The following CTNNA3 variants were observed in gnomAD, a reference collection of about 807,000 sequenced individuals.
The protein encoded by CTNNA3 is catenin alpha 3, also known as catenin alpha-3.
In CTNNA3, 76 loss-of-function variants were observed where a neutral mutation model predicts 95.7. The ratio of observed to expected loss-of-function variants is 0.79; its 90% CI spans 0.66 to 0.96. CTNNA3 has a LOEUF of 0.96. Among genes scored for constraint, CTNNA3 ranks in the 40% least tolerant of loss-of-function variants. CTNNA3 has a pLI of 0.00. For synonymous variants in CTNNA3, 431 were observed against 374.4 expected, an observed-to-expected ratio of 1.15 and a Z score of -1.74; for missense variants, 1,191 against 1,089.8, an observed-to-expected ratio of 1.09 and a Z score of -1.31.
At chr10:67,060,104 C>T (rs1855675561) in intron 7 of CTNNA3, among the ~76,000 whole-genome samples, 1 of 151,912 alleles carries the variant, frequency 6.6e-6, no homozygotes, top group African/African-American at 2.4e-5. Flanking sequence ...TCACTTGAGC[C>T]TAGGATTTCG....
At chr10:67,268,283 T>C (rs1034278198) in intron 5 of CTNNA3, among the ~76,000 whole-genome samples, 1 of 150,774 alleles carries the variant, frequency 6.6e-6, no homozygotes, top group African/African-American at 2.4e-5. Flanking sequence ...CTAGGTAACA[T>C]AGAAAGACTC....
rs2076974755 is a variant in CTNNA3 at position 65,913,830 on chromosome 10, A to T, written c.*6500T>A. ...CTTAGTAGAAGCTCAACTCTCAGTGAATACCACAGAGAGGTTCAGGTAATT... is the reference window on the plus strand; with the variant it reads ...CTTAGTAGAAGCTCAACTCTCAGTGTATACCACAGAGAGGTTCAGGTAATT... On this transcript the variant is annotated 3_prime_UTR_variant, in exon 18 of 18. Coordinates refer to ENST00000433211, the MANE Select transcript of CTNNA3 (RefSeq NM_013266.4). 3 of 152,120 alleles carry T rather than the reference A, an allele frequency of 2.0e-5. No individual in the cohort carries two copies. 9.4% of individuals were successfully genotyped at this position (152,120 alleles called of 1,614,324 possible).
intron 15 of CTNNA3, among the ~76,000 whole-genome samples, chr10:66,030,173 C>T (rs1408208707): frequency 6.6e-6 from 1 of 152,104 alleles, no homozygotes; most frequent in Non-Finnish European, 1.5e-5. Context: ...CAACATTATT[C>T]CTATTGAACC....
intron 13 of CTNNA3, among the ~76,000 whole-genome samples, chr10:66,266,443 G>GA (rs2091161606): frequency 6.6e-6 from 1 of 151,920 alleles, no homozygotes; most frequent in South Asian, 2.1e-4. Context: ...ATTTGAAGGA[G>GA]AAAATTATTC....
chr10:66,721,791 T>TA (rs1358080009), intron 9 of CTNNA3, among the ~76,000 whole-genome samples: 2 of 152,230 alleles, frequency 1.3e-5, no homozygotes, highest in Non-Finnish European at 2.9e-5. Flanking sequence ...TGCTCTTACT[T>TA]ACTGAATTCC....
intron 12 of CTNNA3, among the ~76,000 whole-genome samples, chr10:66,304,225 G>A (rs1224509041): frequency 1.3e-5 from 2 of 152,050 alleles, no homozygotes; most frequent in Admixed American, 1.3e-4. Context: ...TTTACACATT[G>A]GCCAACAATT....
chr10:67,117,703 C>A (rs1234266638), intron 7 of CTNNA3, among the ~76,000 whole-genome samples: 3 of 151,758 alleles, frequency 2.0e-5, no homozygotes, highest in African/African-American at 7.3e-5. Flanking sequence ...TCACAAGATA[C>A]AAGGTAAAGT....
intron 7 of CTNNA3, among the ~76,000 whole-genome samples, chr10:66,938,994 G>A (rs190839194): frequency 1.3e-5 from 2 of 152,220 alleles, no homozygotes; most frequent in Non-Finnish European, 2.9e-5. Context: ...CTCAGCCCCA[G>A]TTCTGCAAGG....
chr10:66,715,823 G>A (rs71494000), intron 9 of CTNNA3, among the ~76,000 whole-genome samples: 2 of 151,666 alleles, frequency 1.3e-5, no homozygotes, highest in African/African-American at 4.8e-5. Flanking sequence ...TTCTTGACAG[G>A]GATGAGCCAA....
chr10:67,103,677 C>T (rs1858467745), intron 7 of CTNNA3, among the ~76,000 whole-genome samples: 1 of 151,418 alleles, frequency 6.6e-6, no homozygotes, highest in African/African-American at 2.4e-5. Flanking sequence ...GTGCTCCTAC[C>T]CCCATCATAG....
intron 6 of CTNNA3, among the ~76,000 whole-genome samples, chr10:67,182,583 C>A (rs1055060550): frequency 6.6e-6 from 1 of 151,994 alleles, no homozygotes; most frequent in African/African-American, 2.4e-5. Context: ...ACCATAAAAA[C>A]CCTAGAAGAA....
chr10:67,727,323 T>C lies in CTNNA3; in HGVS notation c.-2+36111A>G, dbSNP rs533466624. On this transcript the variant is annotated intron_variant, in intron 1 of 17. Coordinates refer to the CTNNA3 transcript ENST00000684154. ...TATATATTATATATGATATATTATATATTTATATATTATTGTATATTATAT... is the reference window on the plus strand; with the variant it reads ...TATATATTATATATGATATATTATACATTTATATATTATTGTATATTATAT... Among the ~76,000 whole-genome samples, 165 of 133,278 alleles carry C rather than the reference T, an allele frequency of 1.2e-3. 1 individual carries two copies. The highest frequency in any genetic ancestry group is 2.2e-3 in the Non-Finnish European group (141 of 64,496). The allele number at this position is 133,278 out of a possible 152,430, so 87.4% of individuals were successfully genotyped here.
At chr10:66,284,132 AT>A (rs965128449) in intron 12 of CTNNA3, among the ~76,000 whole-genome samples, 7 of 152,022 alleles carry the variant, frequency 4.6e-5, no homozygotes, top group African/African-American at 1.7e-4. Flanking sequence ...ACTTCAAAGT[AT>A]CTTGTCTATT....
At position 66,285,276 on chromosome 10, in the gene CTNNA3, T is replaced by C. The variant is rs369162712; in HGVS notation, c.1733-4655A>G. Among the ~76,000 whole-genome samples the C allele has an allele frequency of 5.0e-4, 76 of 151,994 alleles. No individual in the cohort carries two copies. The South Asian group carries it at 0.015, about 31-fold the overall frequency. On this transcript the variant is annotated intron_variant, in intron 12 of 17. Coordinates refer to ENST00000433211, the MANE Select transcript of CTNNA3 (RefSeq NM_013266.4). ...AGCTTCATGAAGCTGATACATTATG[T>C]TTTCCCCCTCTGGCAGAGTAGGTTT...
chr10:66,220,979 T>C (rs2131979206), intron 13 of CTNNA3, among the ~76,000 whole-genome samples: 1 of 152,320 alleles, frequency 6.6e-6, no homozygotes, highest in African/African-American at 2.4e-5. Context: ...GGGTCCAGGC[T>C]TGATGGTAGG....
chr10:67,066,900 A>G (rs183505345), intron 7 of CTNNA3, among the ~76,000 whole-genome samples: 9 of 152,336 alleles, frequency 5.9e-5, no homozygotes, highest in Admixed American at 5.9e-4. Context: ...GTAAATTAAT[A>G]TGGAAGTTTG....
chr10:66,268,426 G>T (rs1460218571), intron 13 of CTNNA3, among the ~76,000 whole-genome samples: 3 of 152,060 alleles, frequency 2.0e-5, no homozygotes, highest in Non-Finnish European at 4.4e-5. Flanking sequence ...ACTATCCAGT[G>T]GCTACCATGC....
At chr10:66,367,880 AATTATTATTATTATTATT>A (rs200238646) in intron 12 of CTNNA3, among the ~76,000 whole-genome samples, 932 of 47,112 alleles carry the variant, frequency 0.02, 10 homozygotes, top group African/African-American at 0.031. Flanking sequence ...TAATAATAAT[AATTATTATTATTATTATT>A]ATTATTATTA....
rs1288456985 is a variant in CTNNA3 at position 66,309,713 on chromosome 10, G to GGGTTAGAT, written c.1733-29100_1733-29093dup. 7.9e-4 allele frequency among the ~76,000 whole-genome samples: 78 copies of GGGTTAGAT among 98,806 alleles called. 1 individual carries two copies. The highest frequency in any genetic ancestry group is 2.6e-3 in the African/African-American group (74 of 28,924). The allele number at this position is 98,806 out of a possible 152,430, so 64.8% of individuals were successfully genotyped here. A position where few individuals can be genotyped will look rare whatever the true frequency, so the allele number is the denominator to read the frequency against. On this transcript the variant is annotated intron_variant, in intron 12 of 17. Coordinates refer to ENST00000433211, the MANE Select transcript of CTNNA3 (RefSeq NM_013266.4). Reference sequence around the variant, plus strand: ...AAAAAAAAAAAAAAAAAAAAAAAAAGGGTTAGATTCCAACCTTATATAGAT... The same window carrying GGGTTAGAT: ...AAAAAAAAAAAAAAAAAAAAAAAAAGGGTTAGATGGTTAGATTCCAACCTTATATAGAT...
Sources: allele counts gnomAD v4.1 joint callset (sites outside exome capture counted in the v4.1 genomes callset), GRCh38; gene constraint gnomAD v4.1.1; transcripts MANE v1.5; gene names NCBI Gene and HGNC (gene_info 2026-07-23, HGNC 2026-07-21).